Variants in ZC3H4 observed in about 807,000 individuals in gnomAD.
The protein encoded by ZC3H4 is zinc finger CCCH-type containing 4, also known as zinc finger CCCH domain-containing protein 4.
In ZC3H4, 13 loss-of-function variants were observed where a neutral mutation model predicts 108.3. The observed-to-expected ratio is 0.12, with a 90% CI of 0.08 to 0.19. The LOEUF (loss-of-function observed/expected upper bound fraction) is 0.19. Among genes scored for constraint, ZC3H4 ranks in the 10% least tolerant of loss-of-function variants. The pLI is 1.00. For synonymous variants in ZC3H4, 917 were observed against 749.6 expected (o/e 1.22, Z -3.65); for missense variants, 1,734 against 1,838.8 (o/e 0.94, Z 1.04).
At chr19:47,076,514 T>C (rs1219105598) in intron 11 of ZC3H4, among the ~76,000 whole-genome samples, 1 of 152,216 alleles carries the variant, frequency 6.6e-6, no homozygotes, top group East Asian at 1.9e-4. Context: ...ATGGGTTTCC[T>C]AGATCCATCT....
intron 13 of ZC3H4, among the ~76,000 whole-genome samples, chr19:47,070,096 C>T (rs2057298967): frequency 6.6e-6 from 1 of 151,580 alleles, no homozygotes; most frequent in African/African-American, 2.4e-5. Context: ...GCGTGTGTGA[C>T]ACATGTGAGC....
chr19:47,087,372 T>G (rs1245939821), intron 5 of ZC3H4, among the ~76,000 whole-genome samples: 3 of 152,054 alleles, frequency 2.0e-5, no homozygotes, highest in Non-Finnish European at 4.4e-5. Flanking sequence ...AGTAAGATTT[T>G]AAACATATTA....
At position 47,112,450 on chromosome 19, in the gene ZC3H4, G is replaced by A. The variant is rs897296961; in HGVS notation, c.135C>T (p.His45=). 1.6e-6 allele frequency: 2 copies of A among 1,235,950 alleles called. No individual in the cohort carries two copies. Among genetic ancestry groups the A allele is most frequent in the African/African-American group, 3.1e-5 (2 of 64,332 alleles). The allele number at this position is 1,235,950 out of a possible 1,614,324, so 76.6% of individuals were successfully genotyped here. A position where few individuals can be genotyped will look rare whatever the true frequency, so the allele number is the denominator to read the frequency against. Residue 45 remains histidine, a synonymous_variant, in exon 2 of 15, where the codon CAC becomes CAT. Coordinates refer to ENST00000253048, the MANE Select transcript of ZC3H4 (RefSeq NM_015168.2). ...DARPATPHLL[H]HRLPLPDDRE... is the part of the protein sequence containing the mutation. ...TGTCGTCAGGGAGCGGGAGGCGGTG[G>A]TGGAGGAGGTGCGGGGTGGCCGGGC... is the stretch of plus-strand genomic sequence containing the variant.
Position 47,066,962 on chromosome 19 carries a change from C to T in ZC3H4, c.3306G>A (p.Ala1102=), listed in dbSNP as rs765208987. ...CACTCGGGCTGGCGGTGGGAGAGGG[C>T]GCCTCAGCAGGGCCGGGCTTGGCAG... ...SRAAKPGPAE[A]PSPTASPSGD... The change falls in exon 15 of 15, where the codon GCG becomes GCA. Residue 1102 remains alanine, a synonymous_variant. Coordinates refer to ENST00000253048, the MANE Select transcript of ZC3H4 (RefSeq NM_015168.2). The T allele has an allele frequency of 2.1e-5, 33 of 1,591,764 alleles. No individual in the cohort carries two copies. Among genetic ancestry groups the T allele is most frequent in the African/African-American group, 2.7e-5 (2 of 74,544 alleles).
rs573330297 is a variant in ZC3H4, at chr19:47,097,035, G to A, written c.162-2427C>T. ...AGGCTACTCTACATCTAACACCTGC[G>A]GGCAGAGGACAAAAGACCATTCAAG... On this transcript the variant is annotated intron_variant, in intron 2 of 14. Transcript: ENST00000253048. 1.3e-4 allele frequency: 123 copies of A among 976,056 alleles called. No individual in the cohort carries two copies. In the Middle Eastern group the frequency reaches 3.7e-3, roughly 29 times the overall value. 60.5% of individuals were successfully genotyped at this position (976,056 alleles called of 1,614,324 possible). A position where few individuals can be genotyped will look rare whatever the true frequency, so the allele number is the denominator to read the frequency against.
chr19:47,101,536 A>G (rs2057903721), intron 2 of ZC3H4, among the ~76,000 whole-genome samples: 2 of 152,116 alleles, frequency 1.3e-5, no homozygotes, highest in Admixed American at 1.3e-4. Flanking sequence ...GCCTCTATAA[A>G]TAACTAAAAA....
At chr19:47,074,499 G>A (rs765055842) in intron 11 of ZC3H4, among the ~76,000 whole-genome samples, 8 of 152,224 alleles carry the variant, frequency 5.3e-5, no homozygotes, top group Non-Finnish European at 1.2e-4. Flanking sequence ...GACACAGGAG[G>A]CCTGGCTGCT....
At chr19:47,111,501 G>C (rs1251802259) in intron 2 of ZC3H4, among the ~76,000 whole-genome samples, 2 of 151,994 alleles carry the variant, frequency 1.3e-5, no homozygotes, top group African/African-American at 4.8e-5. Flanking sequence ...GAAAGCGCGG[G>C]ACCAACTTCC....
At chr19:47,089,895 G>T in intron 5 of ZC3H4, 72 bp downstream of exon 5, 1 of 1,536,330 alleles carries the variant, frequency 6.5e-7, no homozygotes. Context: ...GAGGTTCTGT[G>T]AGACCAGGCC....
rs1414580053 is a variant in ZC3H4 at position 47,090,032 on chromosome 19, T to C, written c.650A>G (p.Tyr217Cys). 3 of 1,614,222 alleles carry C rather than the reference T, an allele frequency of 1.9e-6. No homozygotes were observed. The highest frequency in any genetic ancestry group is 2.2e-5 in the East Asian group (1 of 44,888). The change falls in exon 5 of 15, where the codon TAT becomes TGT. Residue 217 changes from tyrosine (Y) to cysteine (C), a missense_variant. Physicochemically the swap from Tyr to Cys is radical, Grantham distance 194. Transcript: ENST00000253048. ...DEEEDMGKED[Y>C]DDFTKELNQY... ...GTTCAGCTCTTTGGTGAAGTCGTCATAGTCCTCCTTGCCCATGTCCTCCTC... is the reference window on the plus strand; with the variant it reads ...GTTCAGCTCTTTGGTGAAGTCGTCACAGTCCTCCTTGCCCATGTCCTCCTC...
At chr19:47,071,457 A>G (rs1398518677) in intron 13 of ZC3H4, among the ~76,000 whole-genome samples, 1 of 152,108 alleles carries the variant, frequency 6.6e-6, no homozygotes, top group Non-Finnish European at 1.5e-5. Context: ...CCAGGCCACT[A>G]ACTGAGTCCT....
At chr19:47,069,889 C>A (rs2057295481) in intron 13 of ZC3H4, among the ~76,000 whole-genome samples, 1 of 152,202 alleles carries the variant, frequency 6.6e-6, no homozygotes, top group Non-Finnish European at 1.5e-5. Flanking sequence ...TGCCTCCCTG[C>A]CCACTCCACA....
chr19:47,104,162 C>T (rs1463853862), intron 2 of ZC3H4, among the ~76,000 whole-genome samples: 1 of 151,534 alleles, frequency 6.6e-6, no homozygotes, highest in Admixed American at 6.6e-5. Flanking sequence ...CTACTAAAAA[C>T]ACAAAAATTA....
intron 4 of ZC3H4, among the ~76,000 whole-genome samples, chr19:47,091,171 C>T (rs1358664757): frequency 6.6e-6 from 1 of 152,166 alleles, no homozygotes; most frequent in Non-Finnish European, 1.5e-5. Flanking sequence ...ACTTGAGAGG[C>T]TGAGGCAGGA....
chr19:47,108,771 C>A (rs1249185861), intron 2 of ZC3H4, among the ~76,000 whole-genome samples: 3 of 152,070 alleles, frequency 2.0e-5, no homozygotes, highest in Non-Finnish European at 4.4e-5. Flanking sequence ...ATAAAGAAAT[C>A]AAAAATTTAA....
chr19:47,081,415 C>A, intron 11 of ZC3H4, 98 bp downstream of exon 11: 1 of 916,786 alleles, frequency 1.1e-6, no homozygotes, highest in Non-Finnish European at 1.8e-6. Context: ...CCAAACTGGG[C>A]ACTGCAGAGG....
intron 2 of ZC3H4, among the ~76,000 whole-genome samples, chr19:47,106,538 T>C (rs1410617779): frequency 6.6e-6 from 1 of 152,232 alleles, no homozygotes; most frequent in South Asian, 2.1e-4. Context: ...AGGAACCTGA[T>C]GGGCCTGCCT....
At chr19:47,083,310 TAA>T (rs918816929) in intron 9 of ZC3H4, among the ~76,000 whole-genome samples, 11 of 122,050 alleles carry the variant, frequency 9.0e-5, no homozygotes, top group African/African-American at 2.4e-4. Flanking sequence ...TAAAAAAAAT[TAA>T]AAAAAAAAAA....
chr19:47,113,539 G>A (rs1031326515), intron 1 of ZC3H4, 181 bp downstream of exon 1: 1 of 152,394 alleles, frequency 6.6e-6, no homozygotes, highest in Non-Finnish European at 1.5e-5. Flanking sequence ...ATGCGATTAA[G>A]AGAATGAGCT....
Sources: allele counts gnomAD v4.1 joint callset (sites outside exome capture counted in the v4.1 genomes callset), GRCh38; gene constraint gnomAD v4.1.1; transcripts MANE v1.5; gene names NCBI Gene and HGNC (gene_info 2026-07-23, HGNC 2026-07-21).